The following GPHN variants were observed in gnomAD, a reference collection of about 807,000 sequenced individuals.
GPHN encodes the protein gephyrin.
GPHN carries 17 observed loss-of-function variants against 95.5 expected under a neutral mutation model. The observed-to-expected ratio is 0.18, with a 90% CI of 0.12 to 0.27. The LOEUF is 0.27. Ranked by LOEUF, GPHN falls within the 10% of genes least tolerant of loss-of-function variation. The probability of loss-of-function intolerance (pLI) is 1.00; values close to 1 mark genes in which losing one functional copy is unlikely to be tolerated. For synonymous variants in GPHN, 320 were observed against 322.5 expected (o/e 0.99, Z 0.08); for missense variants, 660 against 978.1 (o/e 0.67, Z 4.34).
At chr14:67,586,830 TG>T in the GPHN span, 1 of 1,478,394 alleles carries the variant, frequency 6.8e-7, no homozygotes, top group Non-Finnish European at 9.0e-7. Context: ...AGCAGAACAC[TG>T]GGCCTCCTTT....
chr14:66,530,208 C>T (rs1426307058), intron 1 of GPHN, among the ~76,000 whole-genome samples: 1 of 152,122 alleles, frequency 6.6e-6, no homozygotes, highest in Non-Finnish European at 1.5e-5. Context: ...GCAGAGGGTT[C>T]CGACGGGTTG....
At chr14:67,444,885 G>C in the GPHN span, among the ~76,000 whole-genome samples, 3 of 152,104 alleles carry the variant, frequency 2.0e-5, no homozygotes, top group Non-Finnish European at 4.4e-5. Flanking sequence ...TCAGCCTCCT[G>C]AGTAGCTGGG....
chr14:67,103,511 C>CTTTTT, intron 13 of GPHN, among the ~76,000 whole-genome samples: 14 of 53,398 alleles, frequency 2.6e-4, no homozygotes, highest in African/African-American at 4.9e-4. Context: ...GTTTCTTTCT[C>CTTTTT]TTTTTTTTTT....
chr14:66,798,283 TC>T (rs1041231381), intron 3 of GPHN, among the ~76,000 whole-genome samples: 1 of 151,954 alleles, frequency 6.6e-6, no homozygotes, highest in African/African-American at 2.4e-5. Context: ...CCTATAGTTT[TC>T]TTTTTTATGT....
the GPHN span, chr14:67,323,743 T>C: frequency 5.6e-6 from 9 of 1,603,288 alleles, no homozygotes; most frequent in South Asian, 7.8e-5. Context: ...AACCATATAT[T>C]ATCTTCATTG....
intron 1 of GPHN, among the ~76,000 whole-genome samples, chr14:66,661,278 G>T (rs1449282211): frequency 6.6e-6 from 1 of 152,192 alleles, no homozygotes; most frequent in African/African-American, 2.4e-5. Flanking sequence ...TTGCTGGCGG[G>T]AGGGGCAGAC....
At chr14:66,526,142 G>T (rs1391585906) in intron 1 of GPHN, among the ~76,000 whole-genome samples, 1 of 151,858 alleles carries the variant, frequency 6.6e-6, no homozygotes, top group African/African-American at 2.4e-5. Flanking sequence ...CCATTTCATT[G>T]TGTCCTCTCT....
At chr14:67,397,000 G>A in the GPHN span, among the ~76,000 whole-genome samples, 6 of 86,580 alleles carry the variant, frequency 6.9e-5, no homozygotes, top group East Asian at 6.7e-4. Flanking sequence ...GTGCAGTGGC[G>A]TGATCTCGGC....
chr14:67,644,718 G>C, the GPHN span, among the ~76,000 whole-genome samples: 69 of 152,274 alleles, frequency 4.5e-4, no homozygotes, highest in Non-Finnish European at 4.1e-4. Flanking sequence ...TATATTTGAG[G>C]CTGGGCATAG....
the GPHN span, among the ~76,000 whole-genome samples, chr14:67,553,117 C>T: frequency 6.6e-6 from 1 of 152,134 alleles, no homozygotes; most frequent in African/African-American, 2.4e-5. Context: ...AAGAGCAAGA[C>T]AAGTTTTTCC....
intron 9 of GPHN, among the ~76,000 whole-genome samples, chr14:67,015,901 A>G (rs1174669331): frequency 6.6e-6 from 1 of 152,190 alleles, no homozygotes; most frequent in East Asian, 1.9e-4. Context: ...ATCTGAACCA[A>G]TGGGAAAAGC....
At chr14:67,229,771 C>A in the GPHN span, among the ~76,000 whole-genome samples, 3 of 152,058 alleles carry the variant, frequency 2.0e-5, no homozygotes, top group Non-Finnish European at 4.4e-5. Context: ...TTTCTTTTTA[C>A]TCTTTTGATG....
At chr14:66,996,152 T>G in intron 9 of GPHN, 1 of 1,514,732 alleles carries the variant, frequency 6.6e-7, no homozygotes, top group Non-Finnish European at 8.9e-7. Context: ...TTAACAGTGT[T>G]TTCTTTTCCC....
chr14:67,412,919 G>T, the GPHN span, among the ~76,000 whole-genome samples: 1 of 152,056 alleles, frequency 6.6e-6, no homozygotes, highest in Non-Finnish European at 1.5e-5. Context: ...GCACCACCAT[G>T]CCTGGCTGGT....
At chr14:67,089,128 T>C (rs2153668513) in intron 12 of GPHN, 53 bp downstream of exon 12, 2 of 474,512 alleles carry the variant, frequency 4.2e-6, no homozygotes, top group South Asian at 6.2e-5. Context: ...TTTTTTTCTT[T>C]TTTTCTTTTT....
the GPHN span, chr14:67,474,086 T>A: frequency 5.6e-5 from 51 of 904,718 alleles, no homozygotes; most frequent in South Asian, 8.6e-4. Context: ...ACCCCGTCTC[T>A]ACTAAAAATA....
intron 8 of GPHN, among the ~76,000 whole-genome samples, chr14:66,932,749 C>T (rs544813015): frequency 9.2e-5 from 14 of 151,694 alleles, no homozygotes; most frequent in South Asian, 4.2e-4. Flanking sequence ...GTGAGTCCTG[C>T]GAGGCCTGTA....
intron 11 of GPHN, among the ~76,000 whole-genome samples, chr14:67,065,043 C>G (rs2075989935): frequency 6.6e-6 from 1 of 152,158 alleles, no homozygotes; most frequent in Non-Finnish European, 1.5e-5. Flanking sequence ...AATTTTAGAT[C>G]TTTCCTGCTT....
the GPHN span, chr14:67,616,296 C>T: frequency 6.5e-6 from 1 of 153,940 alleles, no homozygotes; most frequent in East Asian, 1.8e-4. Context: ...TTAATAGCCT[C>T]CATACTGTAC....
Sources: allele counts gnomAD v4.1 joint callset (sites outside exome capture counted in the v4.1 genomes callset), GRCh38; gene constraint gnomAD v4.1.1; transcripts MANE v1.5; gene names NCBI Gene and HGNC (gene_info 2026-07-23, HGNC 2026-07-21).